The following XPO4 variants were observed in gnomAD, a reference collection of about 807,000 sequenced individuals.
XPO4 encodes exportin 4.
A neutral mutation model predicts 143.0 loss-of-function variants in XPO4; 39 were observed. The ratio of observed to expected loss-of-function variants is 0.27; its 90% CI spans 0.21 to 0.36. The LOEUF is 0.36. XPO4 is among the 10% of genes least tolerant of loss of function. The pLI is 1.00. For synonymous variants in XPO4, 439 were observed against 474.0 expected (o/e 0.93, Z 0.96); for missense variants, 907 against 1,348.0 (o/e 0.67, Z 5.12).
chr13:20,813,852 G>A (rs1566578019), intron 9 of XPO4, among the ~76,000 whole-genome samples: 1 of 152,000 alleles, frequency 6.6e-6, no homozygotes, highest in Non-Finnish European at 1.5e-5. Flanking sequence ...CACCTACTCA[G>A]GAGACTGAGG....
intron 3 of XPO4, among the ~76,000 whole-genome samples, chr13:20,858,310 G>T (rs552038734): frequency 1.3e-5 from 2 of 152,280 alleles, no homozygotes; most frequent in African/African-American, 4.8e-5. Flanking sequence ...AGAATTGTTA[G>T]ATCATATAAA....
At position 20,838,289 on chromosome 13, in the gene XPO4, C is replaced by T. The variant is rs530148915; in HGVS notation, c.727+4606G>A. Among the ~76,000 whole-genome samples the T allele has an allele frequency of 2.4e-4, 37 of 151,838 alleles. 1 individual carries two copies. Among genetic ancestry groups the T allele is most frequent in the African/African-American group, 8.0e-4 (33 of 41,468 alleles). On this transcript the variant is annotated intron_variant, in intron 6 of 22. Coordinates refer to ENST00000255305, the MANE Select transcript of XPO4 (RefSeq NM_022459.5). ...TGGTTTTCCCAATATTTTACAGTCA[C>T]AATTAATACAGTACTTTCTATAAGA...
intron 14 of XPO4, 90 bp downstream of exon 14, chr13:20,800,741 T>C: frequency 6.7e-7 from 1 of 1,503,624 alleles, no homozygotes; most frequent in Non-Finnish European, 9.0e-7. Context: ...ACAGTTCTAT[T>C]TTGATGAAAA....
At chr13:20,843,189 C>G (rs1481789757) in intron 5 of XPO4, 141 bp from the exon 6 acceptor site, 1 of 805,372 alleles carries the variant, frequency 1.2e-6, no homozygotes, top group Non-Finnish European at 1.9e-6. Flanking sequence ...CATTTTTAGG[C>G]CTCTACTTGT....
intron 6 of XPO4, among the ~76,000 whole-genome samples, chr13:20,830,676 T>C (rs951030085): frequency 6.6e-6 from 1 of 152,170 alleles, no homozygotes; most frequent in African/African-American, 2.4e-5. Context: ...TAAACGTTTA[T>C]ATGGAACAGC....
At position 20,790,471 on chromosome 13, in the gene XPO4, A is replaced by G. The variant is rs1192025468; in HGVS notation, c.2907T>C (p.Asp969=). The G allele has an allele frequency of 1.9e-6, 3 of 1,612,994 alleles. No homozygotes were observed. In the East Asian group the frequency reaches 6.7e-5, roughly 36 times the overall value. The change falls in exon 19 of 23, where the codon GAT becomes GAC. Residue 969 remains aspartate (D), a synonymous_variant. Transcript: ENST00000255305. ...VNLILPLMSQ[D]LLKFPTLCNQ... ...CAATTTCATTAATTACCTTCAAGAG[A>G]TCCTGTGACATCAAGGGCAGAATTA...
rs754123166 is a variant in XPO4 at position 20,796,846 on chromosome 13, T to A, written c.2534A>T (p.Tyr845Phe). 2.5e-6 allele frequency: 4 copies of A among 1,614,142 alleles called. No homozygotes were observed. The highest frequency in any genetic ancestry group is 2.5e-6 in the Non-Finnish European group (3 of 1,179,998). ...LTNCIGLMEV[Y>F]KNTPETVNLI... is the part of the protein sequence containing the mutation. ...ATTGACAGTCTCTGGGGTATTCTTG[T>A]AAACTTCCATCAATCCAATGCAATT... Residue 845 changes from tyrosine to phenylalanine, a missense_variant, in exon 17 of 23, where the codon TAC becomes TTC. By Grantham distance (22) the Tyr-to-Phe change is conservative. Transcript: ENST00000255305.
intron 15 of XPO4, among the ~76,000 whole-genome samples, chr13:20,799,812 C>T (rs555738543): frequency 7.9e-5 from 12 of 152,226 alleles, no homozygotes; most frequent in African/African-American, 2.6e-4. Flanking sequence ...TTTTAAATAT[C>T]AGTATTTAAT....
At chr13:20,880,793 C>T (rs1477166474) in intron 1 of XPO4, among the ~76,000 whole-genome samples, 1 of 151,950 alleles carries the variant, frequency 6.6e-6, no homozygotes, top group Non-Finnish European at 1.5e-5. Flanking sequence ...CCCATCTCTA[C>T]GAACACATAC....
At chr13:20,856,982 A>G in intron 3 of XPO4, 3 of 654,970 alleles carry the variant, frequency 4.6e-6, no homozygotes, top group African/African-American at 3.9e-5. Flanking sequence ...AAAGCACACT[A>G]CCTGCTGCAT....
At chr13:20,788,674 T>A in intron 19 of XPO4, 58 bp from the exon 20 acceptor site, 1 of 1,446,964 alleles carries the variant, frequency 6.9e-7, no homozygotes, top group Non-Finnish European at 9.3e-7. Flanking sequence ...TCTATTTTCA[T>A]CAATGCAATA....
chr13:20,826,110 T>C (rs562493493), intron 7 of XPO4, among the ~76,000 whole-genome samples: 1 of 152,226 alleles, frequency 6.6e-6, no homozygotes, highest in African/African-American at 2.4e-5. Flanking sequence ...AATTAACTTG[T>C]ATATTCCCCC....
At chr13:20,862,675 G>A (rs2060212929) in intron 3 of XPO4, 42 bp downstream of exon 3, 2 of 1,611,296 alleles carry the variant, frequency 1.2e-6, no homozygotes, top group Non-Finnish European at 8.5e-7. Context: ...ATACACATAA[G>A]CTCAGCAAAA....
At position 20,828,161 on chromosome 13, in the gene XPO4, C is replaced by T. The variant is rs369177565; in HGVS notation, c.728-982G>A. Among the ~76,000 whole-genome samples the T allele has an allele frequency of 8.2e-4, 125 of 152,178 alleles. 3 individuals carry two copies. The South Asian group carries it at 0.025, about 30-fold the overall frequency. On this transcript the variant is annotated intron_variant, in intron 6 of 22. Coordinates refer to ENST00000255305, the MANE Select transcript of XPO4 (RefSeq NM_022459.5). The stretch of plus-strand genomic sequence containing the variant: ...CTGAGGCGGGAGAGTCGCTTGAAAA[C>T]ACTCTCCCGCAGAGGTTGCAGTGAG...
intron 13 of XPO4, among the ~76,000 whole-genome samples, chr13:20,804,065 C>G (rs1416253745): frequency 6.6e-6 from 1 of 151,742 alleles, no homozygotes; most frequent in Non-Finnish European, 1.5e-5. Flanking sequence ...AAAAGTAATC[C>G]TTTATCACAA....
chr13:20,843,069 A>T, intron 5 of XPO4, 21 bp from the exon 6 acceptor site: 2 of 1,565,558 alleles, frequency 1.3e-6, no homozygotes, highest in Non-Finnish European at 1.7e-6. Flanking sequence ...TAAATCACAA[A>T]TATTTTATAT....
At chr13:20,894,562 C>T (rs914380707) in intron 1 of XPO4, among the ~76,000 whole-genome samples, 4 of 151,174 alleles carry the variant, frequency 2.6e-5, no homozygotes, top group Non-Finnish European at 5.9e-5. Flanking sequence ...TTTTTTTGGC[C>T]GGGTGTGGTG....
chr13:20,857,718 C>T (rs2060158494), intron 3 of XPO4: 4 of 540,876 alleles, frequency 7.4e-6, no homozygotes, highest in Non-Finnish European at 9.4e-6. Context: ...CAGAGCGAGA[C>T]TCCATCTCAA....
chr13:20,846,809 T>C (rs1157353537), intron 4 of XPO4, among the ~76,000 whole-genome samples: 1 of 152,072 alleles, frequency 6.6e-6, no homozygotes, highest in African/African-American at 2.4e-5. Flanking sequence ...AACCCAAATA[T>C]AGTTTTACAT....
Sources: gnomAD v4.1 joint callset for allele counts (sites outside exome capture counted in the v4.1 genomes callset) on GRCh38, gnomAD v4.1.1 for gene constraint, MANE v1.5 for transcripts, NCBI Gene and HGNC (gene_info 2026-07-23, HGNC 2026-07-21) for gene names.